AKT3: variants seen among roughly 807,000 people sequenced by gnomAD.
AKT3 encodes AKT serine/threonine kinase 3.
A neutral mutation model predicts 65.3 loss-of-function variants in AKT3; 15 were observed. The observed-to-expected ratio is 0.23, with a 90% CI of 0.15 to 0.35. AKT3 has a LOEUF of 0.35. Ranked by LOEUF, AKT3 falls within the 10% of genes least tolerant of loss-of-function variation. The pLI is 1.00. For synonymous variants in AKT3, 206 were observed against 183.8 expected (o/e 1.12, Z -0.98); for missense variants, 243 against 576.5 (o/e 0.42, Z 5.92).
chr1:243,732,222 C>T (rs1000978212), intron 2 of AKT3, among the ~76,000 whole-genome samples: 3 of 152,134 alleles, frequency 2.0e-5, no homozygotes, highest in Admixed American at 6.5e-5. Flanking sequence ...GCAATGACAA[C>T]CAAGGACCAA....
intron 2 of AKT3, among the ~76,000 whole-genome samples, chr1:243,702,451 CAT>C (rs916751512): frequency 3.9e-5 from 6 of 152,072 alleles, no homozygotes; most frequent in African/African-American, 1.4e-4. Flanking sequence ...AAACAGAAAT[CAT>C]AGTTTTTATC....
chr1:243,674,407 C>T (rs932796784), intron 3 of AKT3, among the ~76,000 whole-genome samples: 7 of 152,050 alleles, frequency 4.6e-5, no homozygotes, highest in Admixed American at 1.3e-4. Context: ...CTTGACATAA[C>T]GCAATATGAA....
intron 3 of AKT3, among the ~76,000 whole-genome samples, chr1:243,675,828 T>C (rs1235120420): frequency 6.6e-6 from 1 of 152,230 alleles, no homozygotes; most frequent in Non-Finnish European, 1.5e-5. Flanking sequence ...TCATTAGTTT[T>C]TCTTAGGGCC....
intron 3 of AKT3, among the ~76,000 whole-genome samples, chr1:243,671,844 T>C: frequency 6.6e-6 from 1 of 152,204 alleles, no homozygotes; most frequent in South Asian, 2.1e-4. Flanking sequence ...CAACTGTGAG[T>C]CATTATATAA....
At chr1:243,847,352 CAACT>C (rs1324713385) in intron 1 of AKT3, among the ~76,000 whole-genome samples, 3 of 152,092 alleles carry the variant, frequency 2.0e-5, no homozygotes, top group Non-Finnish European at 1.5e-5. Context: ...GCTAAGCATC[CAACT>C]AACAAGTTGT....
chr1:243,508,913 C>T (rs920824206), intron 13 of AKT3, among the ~76,000 whole-genome samples: 2 of 152,004 alleles, frequency 1.3e-5, no homozygotes, highest in African/African-American at 2.4e-5. Flanking sequence ...CTCAAGTGAT[C>T]CACCCGCCTT....
At chr1:243,527,565 C>T (rs1671194933) in intron 12 of AKT3, among the ~76,000 whole-genome samples, 1 of 152,100 alleles carries the variant, frequency 6.6e-6, no homozygotes. Context: ...GATTTTCAAC[C>T]TCAGCTGGGC....
chr1:243,655,196 T>C (rs1294426525), intron 4 of AKT3, among the ~76,000 whole-genome samples: 1 of 152,166 alleles, frequency 6.6e-6, no homozygotes, highest in African/African-American at 2.4e-5. Context: ...TAATTTTCTC[T>C]AATGTGAGGT....
intron 2 of AKT3, among the ~76,000 whole-genome samples, chr1:243,698,926 A>G (rs1408489528): frequency 6.6e-6 from 1 of 151,986 alleles, no homozygotes; most frequent in Non-Finnish European, 1.5e-5. Context: ...AAAAAAAAAA[A>G]AAGACAACTT....
intron 2 of AKT3, among the ~76,000 whole-genome samples, chr1:243,831,447 C>G (rs2148449060): frequency 6.6e-6 from 1 of 151,870 alleles, no homozygotes; most frequent in African/African-American, 2.4e-5. Context: ...AGATTTTTCA[C>G]TTAAAAAGAC....
At chr1:243,829,515 C>T in intron 2 of AKT3, among the ~76,000 whole-genome samples, 2 of 152,144 alleles carry the variant, frequency 1.3e-5, no homozygotes. Flanking sequence ...TAAAGGTATT[C>T]TCAATACACA....
At chr1:243,708,764 A>G (rs1455312379) in intron 2 of AKT3, among the ~76,000 whole-genome samples, 1 of 152,080 alleles carries the variant, frequency 6.6e-6, no homozygotes, top group Non-Finnish European at 1.5e-5. Context: ...ACTGCAGGAC[A>G]TCTAAATATA....
intron 5 of AKT3, among the ~76,000 whole-genome samples, chr1:243,640,007 A>G (rs1185127646): frequency 6.6e-6 from 1 of 152,174 alleles, no homozygotes; most frequent in Non-Finnish European, 1.5e-5. Flanking sequence ...AATTCTTAAA[A>G]TTTTAGAAAT....
intron 12 of AKT3, among the ~76,000 whole-genome samples, chr1:243,535,880 C>A (rs923021512): frequency 1.3e-5 from 2 of 152,124 alleles, no homozygotes; most frequent in Non-Finnish European, 2.9e-5. Flanking sequence ...TCTACATTAA[C>A]ATCTATTGTT....
At chr1:243,630,879 A>G (rs1165588734) in intron 6 of AKT3, among the ~76,000 whole-genome samples, 1 of 152,192 alleles carries the variant, frequency 6.6e-6, no homozygotes, top group Admixed American at 6.5e-5. Flanking sequence ...ACAATCAAAT[A>G]GTATGGTCAG....
chr1:243,530,803 T>A (rs1366189248), intron 12 of AKT3, among the ~76,000 whole-genome samples: 3 of 152,068 alleles, frequency 2.0e-5, no homozygotes, highest in African/African-American at 7.2e-5. Flanking sequence ...ATGATCCAAA[T>A]AAACACAATC....
intron 6 of AKT3, among the ~76,000 whole-genome samples, chr1:243,619,719 T>C (rs1403227601): frequency 1.0e-5 from 1 of 99,418 alleles, no homozygotes; most frequent in Non-Finnish European, 2.8e-5. Flanking sequence ...TCTGTACATA[T>C]ATCGCATTTA....
intron 3 of AKT3, among the ~76,000 whole-genome samples, chr1:243,681,965 C>G (rs1442753602): frequency 6.6e-6 from 1 of 152,010 alleles, no homozygotes; most frequent in Non-Finnish European, 1.5e-5. Flanking sequence ...CTCCTAATTT[C>G]CGATGTATTA....
chr1:243,836,530 G>C lies in AKT3; in HGVS notation c.46+6595C>G, dbSNP rs77483259. ...ACTATGACCCATTACCAATCATCTTGACTAGATATTTATAACACTATACCC... is the reference window on the plus strand; with the variant it reads ...ACTATGACCCATTACCAATCATCTTCACTAGATATTTATAACACTATACCC... On this transcript the variant is annotated intron_variant, in intron 2 of 13. Coordinates refer to ENST00000673466, the MANE Select transcript of AKT3 (RefSeq NM_005465.7). 5.2e-3 allele frequency among the ~76,000 whole-genome samples: 771 copies of C among 149,682 alleles called. 9 individuals are homozygous for C. Among genetic ancestry groups the C allele is most frequent in the African/African-American group, 0.018 (731 of 40,968 alleles).
Sources: gnomAD v4.1 joint callset for allele counts (sites outside exome capture counted in the v4.1 genomes callset) on GRCh38, gnomAD v4.1.1 for gene constraint, MANE v1.5 for transcripts, NCBI Gene and HGNC (gene_info 2026-07-23, HGNC 2026-07-21) for gene names.